GALNT18: variants seen among roughly 807,000 people sequenced by gnomAD.
GALNT18 encodes polypeptide N-acetylgalactosaminyltransferase 18.
In GALNT18, 44 loss-of-function variants were observed where a neutral mutation model predicts 69.5. The observed-to-expected ratio is 0.63, with a 90% CI of 0.50 to 0.81. The LOEUF is 0.81. Ranked by LOEUF, GALNT18 falls within the 40% of genes least tolerant of loss-of-function variation. The pLI, the probability that GALNT18 is intolerant of heterozygous loss-of-function variation, is 0.00. For missense variants in GALNT18, 715 were observed against 810.0 expected (o/e 0.88, Z 1.42); for synonymous variants, 364 against 318.2 (o/e 1.14, Z -1.53).
At chr11:11,519,697 C>T (rs1305856432) in intron 1 of GALNT18, among the ~76,000 whole-genome samples, 1 of 152,222 alleles carries the variant, frequency 6.6e-6, no homozygotes, top group African/African-American at 2.4e-5. Flanking sequence ...ACCTTCCAGG[C>T]ACTCTCCCAT....
intron 3 of GALNT18, among the ~76,000 whole-genome samples, chr11:11,400,613 C>CTGG (rs1340347337): frequency 1.3e-5 from 2 of 152,186 alleles, no homozygotes; most frequent in South Asian, 2.1e-4. Flanking sequence ...GATCCAGTGT[C>CTGG]TGGTGAGGGC....
chr11:11,362,317 CTTACA>C (rs955008888), intron 6 of GALNT18, among the ~76,000 whole-genome samples: 2 of 151,986 alleles, frequency 1.3e-5, no homozygotes, highest in African/African-American at 4.8e-5. Context: ...AAAAAGTTTG[CTTACA>C]TTAAACAGAA....
rs1233980049 is a variant in GALNT18 at position 11,436,543 on chromosome 11, C to G, written c.429-3756G>C. On this transcript the variant is annotated intron_variant, in intron 2 of 10. Transcript: ENST00000227756. This position sits in a 1 kb window ranked among gnomAD's most constrained non-coding sequence, Gnocchi z 4.5. ...GCTCACAGCCTCCTGCCCACTGCCTCACACCATGATGCAAGCAGCAGGTCT... is the reference window on the plus strand; with the variant it reads ...GCTCACAGCCTCCTGCCCACTGCCTGACACCATGATGCAAGCAGCAGGTCT... Among the ~76,000 whole-genome samples the G allele has an allele frequency of 6.6e-6, 1 of 152,050 alleles. No homozygotes were observed. Among genetic ancestry groups the G allele is most frequent in the Non-Finnish European group, 1.5e-5 (1 of 68,044 alleles).
At chr11:11,484,235 A>G (rs1406728153) in intron 1 of GALNT18, among the ~76,000 whole-genome samples, 1 of 152,172 alleles carries the variant, frequency 6.6e-6, no homozygotes, top group African/African-American at 2.4e-5. Flanking sequence ...TGCAAAATGC[A>G]ACAAGCCTAC....
At chr11:11,489,104 T>G (rs1856705209) in intron 1 of GALNT18, among the ~76,000 whole-genome samples, 1 of 152,212 alleles carries the variant, frequency 6.6e-6, no homozygotes, top group Non-Finnish European at 1.5e-5. Flanking sequence ...TTGGTAATAA[T>G]AATACCATCA....
rs1000351506 is a variant in GALNT18, at chr11:11,309,330, C to A, written c.1513-16137G>T. On this transcript the variant is annotated intron_variant, in intron 9 of 10. Coordinates refer to ENST00000227756, the MANE Select transcript of GALNT18 (RefSeq NM_198516.3). This position sits in a 1 kb window ranked among gnomAD's most constrained non-coding sequence, Gnocchi z 4.6. ...CTCAGGTTATAGCAACACAAAATGA[C>A]ACACCTATTAATCTTGATTACCCAC... 1.3e-5 allele frequency among the ~76,000 whole-genome samples: 2 copies of A among 152,274 alleles called. No individual in the cohort carries two copies. Among genetic ancestry groups the A allele is most frequent in the African/African-American group, 4.8e-5 (2 of 41,544 alleles).
At chr11:11,607,941 A>G (rs1859793885) in intron 1 of GALNT18, among the ~76,000 whole-genome samples, 1 of 152,212 alleles carries the variant, frequency 6.6e-6, no homozygotes, top group South Asian at 2.1e-4. Context: ...GATTTTACAA[A>G]ACAAATCTGT....
intron 1 of GALNT18, among the ~76,000 whole-genome samples, chr11:11,453,996 CAG>C (rs1855867953): frequency 6.6e-6 from 1 of 152,234 alleles, no homozygotes; most frequent in Non-Finnish European, 1.5e-5. Flanking sequence ...TTGAGTCCCT[CAG>C]ACTCAGAACA....
At position 11,341,248 on chromosome 11, in the gene GALNT18, T is replaced by C. The variant is rs945949239; in HGVS notation, c.1093-244A>G. ...TGGATTTACCAACAAAAAAAATGAATGCACTTTTTCCCTCCACCTGTGAGC... is the reference window on the plus strand; with the variant it reads ...TGGATTTACCAACAAAAAAAATGAACGCACTTTTTCCCTCCACCTGTGAGC... On this transcript the variant is annotated intron_variant, in intron 6 of 10. Transcript: ENST00000227756. This position sits in a 1 kb window ranked among gnomAD's most constrained non-coding sequence, Gnocchi z 6.3. Among the ~76,000 whole-genome samples the C allele has an allele frequency of 1.1e-4, 17 of 152,128 alleles. No homozygotes were observed. Among genetic ancestry groups the C allele is most frequent in the Admixed American group, 4.6e-4 (7 of 15,274 alleles).
Position 11,541,400 on chromosome 11 carries a change from A to G in GALNT18, c.235+79959T>C, listed in dbSNP as rs566084613. On this transcript the variant is annotated intron_variant, in intron 1 of 10. Transcript: ENST00000227756. This position sits in a 1 kb window ranked among gnomAD's most constrained non-coding sequence, Gnocchi z 4.8. ...TTCAGTACCTCTCCCTGGCTCTTCA[A>G]GTGGTCTCCCAGCCAGTCTCCCTGC... Among the ~76,000 whole-genome samples the G allele has an allele frequency of 2.0e-3, 308 of 152,076 alleles. No individual in the cohort carries two copies. The highest frequency in any genetic ancestry group is 7.0e-3 in the African/African-American group (292 of 41,472).
chr11:11,485,846 G>A (rs1222239235), intron 1 of GALNT18, among the ~76,000 whole-genome samples: 4 of 152,200 alleles, frequency 2.6e-5, no homozygotes, highest in African/African-American at 9.6e-5. Context: ...AACCTTGTGT[G>A]GTAAAGGGGC....
In GALNT18 at chr11:11,436,766, C is replaced by T. The variant is rs1204799066; in HGVS notation, c.429-3979G>A. On this transcript the variant is annotated intron_variant, in intron 2 of 10. Transcript: ENST00000227756. This position sits in a 1 kb window ranked among gnomAD's most constrained non-coding sequence, Gnocchi z 4.5. ...ACATCCTTCCTGGTCATGCCATCCT[C>T]ATCACTGCAGACACTGAACTCAGGA... Among the ~76,000 whole-genome samples, 1 of 152,228 alleles carries T rather than the reference C, an allele frequency of 6.6e-6. No individual in the cohort carries two copies. Among genetic ancestry groups the T allele is most frequent in the Non-Finnish European group, 1.5e-5 (1 of 68,028 alleles).
intron 9 of GALNT18, among the ~76,000 whole-genome samples, chr11:11,298,959 C>A (rs954026475): frequency 1.3e-5 from 2 of 152,176 alleles, no homozygotes; most frequent in Non-Finnish European, 2.9e-5. Flanking sequence ...CCGCCTCCAA[C>A]CTCCACCAGG....
intron 9 of GALNT18, among the ~76,000 whole-genome samples, chr11:11,324,902 T>C (rs752185092): frequency 1.3e-5 from 2 of 152,252 alleles, no homozygotes; most frequent in Non-Finnish European, 2.9e-5. Flanking sequence ...TTTACACTGC[T>C]GGTGGGAATA....
chr11:11,314,873 A>G lies in GALNT18; in HGVS notation c.1512+12213T>C, dbSNP rs1849724823. Among the ~76,000 whole-genome samples the G allele has an allele frequency of 6.6e-6, 1 of 152,152 alleles. No individual in the cohort carries two copies. The highest frequency in any genetic ancestry group is 1.5e-5 in the Non-Finnish European group (1 of 68,026). On this transcript the variant is annotated intron_variant, in intron 9 of 10. Transcript: ENST00000227756. This position sits in a 1 kb window ranked among gnomAD's most constrained non-coding sequence, Gnocchi z 5.2. Reference sequence around the variant, plus strand: ...TGGCTGTGACATAGTAAAACCTACAATCATGTTCTAGGACTTATGGCCTAC... The same window carrying G: ...TGGCTGTGACATAGTAAAACCTACAGTCATGTTCTAGGACTTATGGCCTAC...
At chr11:11,414,273 C>G (rs1460069209) in intron 3 of GALNT18, among the ~76,000 whole-genome samples, 1 of 152,200 alleles carries the variant, frequency 6.6e-6, no homozygotes, top group Non-Finnish European at 1.5e-5. Flanking sequence ...CATTTGCATA[C>G]TTTTGTTTGT....
At chr11:11,535,460 T>G (rs1187080826) in intron 1 of GALNT18, among the ~76,000 whole-genome samples, 1 of 152,162 alleles carries the variant, frequency 6.6e-6, no homozygotes, top group Non-Finnish European at 1.5e-5. Flanking sequence ...CAACCTCCAG[T>G]ATTATTCTTT....
chr11:11,570,130 G>C (rs1429008043), intron 1 of GALNT18: 1 of 152,338 alleles, frequency 6.6e-6, no homozygotes, highest in Non-Finnish European at 1.5e-5. Flanking sequence ...TCCATCTCAG[G>C]AACCATGGTT....
At chr11:11,397,365 G>C (rs993664288) in intron 3 of GALNT18, among the ~76,000 whole-genome samples, 1 of 152,120 alleles carries the variant, frequency 6.6e-6, no homozygotes, top group Admixed American at 6.5e-5. Flanking sequence ...GCTTTGGGAG[G>C]AGATTCTCAA....
Sources: gnomAD v4.1 joint callset for allele counts (sites outside exome capture counted in the v4.1 genomes callset) on GRCh38, gnomAD v4.1.1 for gene constraint, Gnocchi (gnomAD v3.1) non-coding constraint, MANE v1.5 for transcripts, NCBI Gene and HGNC (gene_info 2026-07-23, HGNC 2026-07-21) for gene names.